The following SCEL variants were observed in gnomAD, a reference collection of about 807,000 sequenced individuals.
SCEL encodes the protein sciellin.
In SCEL, 113 loss-of-function variants were observed where a neutral mutation model predicts 117.6. The observed-to-expected ratio is 0.96, with a 90% CI of 0.83 to 1.12. SCEL has a LOEUF of 1.12. SCEL is among the 50% of genes most tolerant of loss of function. SCEL has a pLI of 0.00. For missense variants in SCEL, 785 were observed against 810.8 expected, an observed-to-expected ratio of 0.97 and a Z score of 0.39; for synonymous variants, 270 against 256.2, an observed-to-expected ratio of 1.05 and a Z score of -0.51.
At chr13:77,614,443 A>G (rs1208420924) in intron 24 of SCEL, among the ~76,000 whole-genome samples, 3 of 152,184 alleles carry the variant, frequency 2.0e-5, no homozygotes, top group African/African-American at 2.4e-5. Flanking sequence ...TACTGTGCTC[A>G]GCAAGGTTAT....
chr13:77,636,447 T>C (rs1349890981), intron 29 of SCEL, among the ~76,000 whole-genome samples: 11 of 152,210 alleles, frequency 7.2e-5, no homozygotes. Flanking sequence ...TCAATCATTG[T>C]ATGAAATAAA....
chr13:77,586,755 C>G (rs1005765674), intron 9 of SCEL, among the ~76,000 whole-genome samples: 13 of 152,314 alleles, frequency 8.5e-5, no homozygotes, highest in African/African-American at 3.1e-4. Context: ...CAAGAGACAG[C>G]ACAGCATTTG....
At chr13:77,543,199 T>C (rs2083809753) in intron 1 of SCEL, among the ~76,000 whole-genome samples, 1 of 147,594 alleles carries the variant, frequency 6.8e-6, no homozygotes, top group African/African-American at 2.5e-5. Flanking sequence ...TTCTCCTGCC[T>C]CAGCCTCCCA....
chr13:77,604,308 G>A (rs776741217), intron 18 of SCEL, 48 bp from the exon 19 acceptor site: 1 of 1,186,614 alleles, frequency 8.4e-7, no homozygotes, highest in South Asian at 1.4e-5. Flanking sequence ...CATCTGATTA[G>A]TGCTATACTT....
chr13:77,569,250 G>C, intron 7 of SCEL, 121 bp from the exon 8 acceptor site: 1 of 726,684 alleles, frequency 1.4e-6, no homozygotes, highest in Non-Finnish European at 2.2e-6. Context: ...CTATCCCCAA[G>C]TGAAACATTT....
rs1654000999 is a variant in SCEL, at chr13:77,618,113, TCTCC to T, written c.1628+62_1628+65del. The T allele has an allele frequency of 8.0e-6, 11 of 1,371,228 alleles. No homozygotes were observed. The South Asian group carries it at 1.3e-4, about 16-fold the overall frequency. 84.9% of individuals were successfully genotyped at this position (1,371,228 alleles called of 1,614,324 possible). A position where few individuals can be genotyped will look rare whatever the true frequency, so the allele number is the denominator to read the frequency against. ...TTTACAAGTTTCTAGGGTAGGAACT[TCTCC>T]CTCCCTCCTTGCCTCCCTGCCTCCC... On this transcript the variant is annotated intron_variant, in intron 27 of 32. Coordinates refer to ENST00000349847, the MANE Select transcript of SCEL (RefSeq NM_144777.3).
intron 16 of SCEL, 73 bp from the exon 17 acceptor site, chr13:77,602,581 A>G: frequency 1.5e-6 from 2 of 1,307,342 alleles, no homozygotes; most frequent in Non-Finnish European, 2.2e-6. Context: ...ATTCAGGGAC[A>G]TTCTTGATTA....
chr13:77,570,113 T>G (rs1299177914), intron 8 of SCEL, among the ~76,000 whole-genome samples: 2 of 152,248 alleles, frequency 1.3e-5, no homozygotes, highest in Non-Finnish European at 2.9e-5. Flanking sequence ...CATCAGTGCT[T>G]TTAAATTTTC....
At chr13:77,566,408 A>G (rs866902421) in intron 5 of SCEL, among the ~76,000 whole-genome samples, 19 of 152,320 alleles carry the variant, frequency 1.2e-4, no homozygotes, top group Middle Eastern at 6.8e-3. Context: ...GGTATGAGAC[A>G]AGGAAAGAAG....
At position 77,568,285 on chromosome 13, in the gene SCEL, C is replaced by T; in HGVS notation, c.360-10C>T. ...ATTGTTCAAACTTTGCTTTCTTTCT[C>T]TCTTACCAGGAGCATGTCCATGTTT... On this transcript the variant is annotated splice_polypyrimidine_tract_variant and intron_variant, in intron 6 of 32. Coordinates refer to ENST00000349847, the MANE Select transcript of SCEL (RefSeq NM_144777.3). The T allele has an allele frequency of 6.5e-7, 1 of 1,549,560 alleles. No individual in the cohort carries two copies. The highest frequency in any genetic ancestry group is 1.2e-5 in the South Asian group (1 of 86,696).
At chr13:77,625,806 T>G (rs954687718) in intron 27 of SCEL, among the ~76,000 whole-genome samples, 8 of 152,228 alleles carry the variant, frequency 5.3e-5, no homozygotes, top group Non-Finnish European at 1.2e-4. Context: ...ACTGATTCCA[T>G]GTATAATAAC....
intron 1 of SCEL, among the ~76,000 whole-genome samples, chr13:77,540,339 G>A (rs2083637388): frequency 6.6e-6 from 1 of 152,134 alleles, no homozygotes; most frequent in African/African-American, 2.4e-5. Flanking sequence ...GTGTGAATGT[G>A]TGCGGGTGTG....
At chr13:77,556,473 T>A in intron 2 of SCEL, 123 bp from the exon 3 acceptor site, 5 of 764,296 alleles carry the variant, frequency 6.5e-6, no homozygotes, top group Non-Finnish European at 1.1e-5. Flanking sequence ...GAAACAGTAC[T>A]GGACTTGCCA....
chr13:77,562,725 GT>G (rs1158815706), intron 4 of SCEL, among the ~76,000 whole-genome samples: 1 of 152,168 alleles, frequency 6.6e-6, no homozygotes, highest in East Asian at 1.9e-4. Flanking sequence ...GTACAACAGT[GT>G]TGATTAATAT....
intron 9 of SCEL, among the ~76,000 whole-genome samples, chr13:77,582,929 A>G (rs1457752163): frequency 1.3e-5 from 2 of 152,204 alleles, no homozygotes; most frequent in African/African-American, 2.4e-5. Flanking sequence ...ACTTGATAAT[A>G]GTTGAAATAT....
intron 1 of SCEL, among the ~76,000 whole-genome samples, chr13:77,554,552 G>A (rs2084537619): frequency 6.6e-6 from 1 of 152,234 alleles, no homozygotes; most frequent in African/African-American, 2.4e-5. Flanking sequence ...TTAGAGGATA[G>A]GAGGTGGGGG....
intron 29 of SCEL, among the ~76,000 whole-genome samples, 155 bp downstream of exon 29, chr13:77,634,605 T>C (rs996641177): frequency 1.3e-5 from 2 of 152,182 alleles, no homozygotes; most frequent in Non-Finnish European, 2.9e-5. Flanking sequence ...TTCTCTATAA[T>C]GTTTCTGATA....
intron 4 of SCEL, among the ~76,000 whole-genome samples, chr13:77,560,400 G>T (rs779753341): frequency 2.1e-4 from 32 of 152,148 alleles, no homozygotes; most frequent in Non-Finnish European, 4.1e-4. Flanking sequence ...ATGCTCCATT[G>T]TACTCCAGCC....
intron 24 of SCEL, among the ~76,000 whole-genome samples, chr13:77,615,145 C>T (rs1026636648): frequency 6.6e-6 from 1 of 152,032 alleles, no homozygotes; most frequent in Non-Finnish European, 1.5e-5. Context: ...AATTAATAAA[C>T]ACAGAGGCAG....
Sources: gnomAD v4.1 joint callset for allele counts (sites outside exome capture counted in the v4.1 genomes callset) on GRCh38, gnomAD v4.1.1 for gene constraint, MANE v1.5 for transcripts, NCBI Gene and HGNC (gene_info 2026-07-23, HGNC 2026-07-21) for gene names.